PCDHGB1: variants seen among roughly 807,000 people sequenced by gnomAD.
PCDHGB1 encodes protocadherin gamma subfamily B, 1.
PCDHGB1 carries 34 observed loss-of-function variants against 56.6 expected under a neutral mutation model. The observed-to-expected ratio is 0.60, with a 90% CI of 0.46 to 0.80. PCDHGB1 has a LOEUF of 0.80. Ranked by LOEUF, PCDHGB1 falls within the 30% of genes least tolerant of loss-of-function variation. The pLI is 0.00. For synonymous variants in PCDHGB1, 561 were observed against 505.9 expected, an observed-to-expected ratio of 1.11 and a Z score of -1.46; for missense variants, 1,278 against 1,204.6, an observed-to-expected ratio of 1.06 and a Z score of -0.90.
At chr5:141,423,533 T>C (rs2096751691) in intron 1 of PCDHGB1, 1 of 1,613,650 alleles carries the variant, frequency 6.2e-7, no homozygotes, top group Non-Finnish European at 8.5e-7. Flanking sequence ...AAGAGTCACC[T>C]GATTTTCCCC....
At chr5:141,375,110 A>C in intron 1 of PCDHGB1, 1 of 1,613,972 alleles carries the variant, frequency 6.2e-7, no homozygotes, top group Non-Finnish European at 8.5e-7. Flanking sequence ...TGTCAATGAT[A>C]ATGTACCAGA....
intron 1 of PCDHGB1, among the ~76,000 whole-genome samples, chr5:141,438,211 A>G (rs767576436): frequency 7.8e-4 from 119 of 152,308 alleles, no homozygotes; most frequent in Admixed American, 2.3e-3. Context: ...CCATATGGGA[A>G]GGGCTCTGGT....
chr5:141,482,859 G>A (rs1371172226), intron 1 of PCDHGB1, among the ~76,000 whole-genome samples: 3 of 148,230 alleles, frequency 2.0e-5, no homozygotes, highest in Admixed American at 6.7e-5. Flanking sequence ...ATCACTTGAG[G>A]TCAGGAGTTT....
At chr5:141,446,208 G>GAT (rs1387839424) in intron 1 of PCDHGB1, among the ~76,000 whole-genome samples, 1 of 152,156 alleles carries the variant, frequency 6.6e-6, no homozygotes, top group Non-Finnish European at 1.5e-5. Context: ...CTAGGTGTCT[G>GAT]AAAATATTGT....
At chr5:141,384,441 G>A in intron 1 of PCDHGB1, 1 of 1,614,028 alleles carries the variant, frequency 6.2e-7, no homozygotes, top group African/African-American at 1.3e-5. Flanking sequence ...CTGGAGTCCT[G>A]TACGCGCTGC....
chr5:141,482,099 A>AG (rs1423781570), intron 1 of PCDHGB1, among the ~76,000 whole-genome samples: 1 of 151,852 alleles, frequency 6.6e-6, no homozygotes, highest in African/African-American at 2.4e-5. Flanking sequence ...CAAAAAAAAA[A>AG]AAAAAATATC....
At chr5:141,424,668 A>G (rs1561816018) in intron 1 of PCDHGB1, 1 of 152,196 alleles carries the variant, frequency 6.6e-6, no homozygotes, top group Non-Finnish European at 1.5e-5. Flanking sequence ...AATTAAACTG[A>G]TTTAGCTAGT....
At chr5:141,405,227 C>T (rs562247940) in intron 1 of PCDHGB1, 1 of 1,614,114 alleles carries the variant, frequency 6.2e-7, no homozygotes, top group South Asian at 1.1e-5. Flanking sequence ...GGAGTTCTCC[C>T]TCACCGCTGA....
chr5:141,409,231 C>T (rs756486864), intron 1 of PCDHGB1: 7 of 1,613,926 alleles, frequency 4.3e-6, no homozygotes, highest in Admixed American at 3.3e-5. Flanking sequence ...AAAACGACAA[C>T]AGCCCAGAAA....
intron 1 of PCDHGB1, among the ~76,000 whole-genome samples, chr5:141,455,423 CA>C (rs2098822271): frequency 6.6e-6 from 1 of 152,040 alleles, no homozygotes; most frequent in Non-Finnish European, 1.5e-5. Flanking sequence ...AGCGGGGCTC[CA>C]AAAGAGGAGG....
At chr5:141,422,198 A>G (rs2096632774) in intron 1 of PCDHGB1, 1 of 1,562,340 alleles carries the variant, frequency 6.4e-7, no homozygotes, top group Non-Finnish European at 8.6e-7. Flanking sequence ...CAAGGCCAAG[A>G]TGGTGGAGGT....
At chr5:141,465,657 G>T (rs904553709) in intron 1 of PCDHGB1, among the ~76,000 whole-genome samples, 2 of 152,130 alleles carry the variant, frequency 1.3e-5, no homozygotes, top group Non-Finnish European at 2.9e-5. Context: ...CCAAAAAAGC[G>T]CTTGCCATGA....
At chr5:141,360,226 G>C in intron 1 of PCDHGB1, 1 of 1,613,764 alleles carries the variant, frequency 6.2e-7, no homozygotes, top group Non-Finnish European at 8.5e-7. Context: ...GGCTCTCCCA[G>C]TCCAGATCCG....
At chr5:141,455,899 ATTTATTT>A (rs1441561749) in intron 1 of PCDHGB1, among the ~76,000 whole-genome samples, 5 of 148,258 alleles carry the variant, frequency 3.4e-5, no homozygotes, top group African/African-American at 1.2e-4. Context: ...TTATTTATTT[ATTTATTT>A]ATTTATTTTG....
intron 1 of PCDHGB1, chr5:141,394,168 T>A (rs1291860578): frequency 1.7e-5 from 27 of 1,613,634 alleles, no homozygotes; most frequent in Non-Finnish European, 2.2e-5. Flanking sequence ...CCTCCTACTT[T>A]CCCTCATGCC....
At chr5:141,505,341 A>G in intron 2 of PCDHGB1, 52 bp from the exon 3 acceptor site, 3 of 1,612,728 alleles carry the variant, frequency 1.9e-6, no homozygotes, top group Non-Finnish European at 2.5e-6. Context: ...CAGGAGGGGC[A>G]TGAGCTGTGC....
intron 1 of PCDHGB1, among the ~76,000 whole-genome samples, chr5:141,455,890 T>G (rs1055285369): frequency 1.3e-5 from 2 of 149,264 alleles, no homozygotes; most frequent in African/African-American, 2.4e-5. Flanking sequence ...TTTATTTATT[T>G]ATTTATTTAT....
At chr5:141,445,632 T>C (rs940642775) in intron 1 of PCDHGB1, among the ~76,000 whole-genome samples, 19 of 152,116 alleles carry the variant, frequency 1.2e-4, no homozygotes, top group Admixed American at 1.1e-3. Flanking sequence ...GAAAGTGATA[T>C]TTAGAGAGAT....
At chr5:141,376,163 G>C in intron 1 of PCDHGB1, 11 of 1,614,112 alleles carry the variant, frequency 6.8e-6, no homozygotes, top group Non-Finnish European at 9.3e-6. Flanking sequence ...TCTGTACCTG[G>C]TGGTGGCGGT....
Sources: gnomAD v4.1 joint callset for allele counts (sites outside exome capture counted in the v4.1 genomes callset) on GRCh38, gnomAD v4.1.1 for gene constraint, MANE v1.5 for transcripts, NCBI Gene and HGNC (gene_info 2026-07-23, HGNC 2026-07-21) for gene names.